Variants in COL5A2 observed in about 807,000 individuals in gnomAD.
COL5A2 encodes the protein collagen alpha-2(V) chain.
In COL5A2, 23 loss-of-function variants were observed where a neutral mutation model predicts 208.2. That is an observed-to-expected ratio of 0.11 (90% CI 0.08 to 0.16). The LOEUF (loss-of-function observed/expected upper bound fraction) is 0.16, where lower values mean the gene tolerates loss of function less well. COL5A2 is among the 10% of genes least tolerant of loss of function. The pLI is 1.00. For synonymous variants in COL5A2, 625 were observed against 628.5 expected (o/e 0.99, Z 0.08); for missense variants, 1,590 against 1,956.4 (o/e 0.81, Z 3.53).
At chr2:189,391,090 T>C in the COL5A2 span, among the ~76,000 whole-genome samples, 1 of 152,194 alleles carries the variant, frequency 6.6e-6, no homozygotes, top group Non-Finnish European at 1.5e-5. Context: ...GATTTTTAAT[T>C]TTGAAAGATT....
At chr2:189,107,036 T>G (rs1230327294) in intron 2 of COL5A2, among the ~76,000 whole-genome samples, 1 of 151,518 alleles carries the variant, frequency 6.6e-6, no homozygotes, top group African/African-American at 2.4e-5. Flanking sequence ...TTTGTGTGTG[T>G]CATTGTTATT....
chr2:189,253,320 T>C, the COL5A2 span, among the ~76,000 whole-genome samples: 1 of 152,222 alleles, frequency 6.6e-6, no homozygotes, highest in African/African-American at 2.4e-5. Flanking sequence ...TTATGACTTT[T>C]GTCAAGTTAC....
intron 51 of COL5A2, among the ~76,000 whole-genome samples, 187 bp from the exon 52 acceptor site, chr2:189,036,990 T>C (rs916639150): frequency 5.9e-5 from 9 of 152,190 alleles, no homozygotes; most frequent in African/African-American, 1.9e-4. Flanking sequence ...TAGTCGCTAT[T>C]GTAAGGCACT....
the COL5A2 span, among the ~76,000 whole-genome samples, chr2:189,287,656 A>T: frequency 6.6e-6 from 1 of 152,216 alleles, no homozygotes. Flanking sequence ...TGCAGTGACT[A>T]CTTACTAACA....
chr2:189,325,621 CTTAT>C, the COL5A2 span, among the ~76,000 whole-genome samples: 1 of 152,042 alleles, frequency 6.6e-6, no homozygotes. Context: ...GTCATTTACT[CTTAT>C]TTGTTTGTAT....
the COL5A2 span, among the ~76,000 whole-genome samples, chr2:189,278,272 G>A: frequency 4.4e-3 from 668 of 152,118 alleles, 2 homozygotes; most frequent in African/African-American, 0.016. Context: ...ATTAAAACTT[G>A]CTTAATTTCT....
the COL5A2 span, among the ~76,000 whole-genome samples, chr2:189,383,004 C>G: frequency 5.3e-4 from 80 of 152,228 alleles, no homozygotes; most frequent in Non-Finnish European, 9.4e-4. Context: ...GGAATGTCAC[C>G]ATGGCTTGAC....
chr2:189,241,199 C>T, the COL5A2 span, among the ~76,000 whole-genome samples: 2 of 152,242 alleles, frequency 1.3e-5, no homozygotes, highest in Non-Finnish European at 2.9e-5. Context: ...GACCATCTTC[C>T]CTTTTTTCCC....
At chr2:189,078,267 G>A (rs758710965) in intron 16 of COL5A2, among the ~76,000 whole-genome samples, 1 of 151,688 alleles carries the variant, frequency 6.6e-6, no homozygotes, top group Non-Finnish European at 1.5e-5. Flanking sequence ...CTTAATTTTT[G>A]TATTAAAGTA....
the COL5A2 span, among the ~76,000 whole-genome samples, chr2:189,254,282 T>A: frequency 3.7e-5 from 4 of 109,426 alleles, no homozygotes; most frequent in African/African-American, 1.1e-4. Flanking sequence ...AGATGATAGC[T>A]GTTTATCCTG....
the COL5A2 span, among the ~76,000 whole-genome samples, chr2:189,259,415 T>C: frequency 1.3e-5 from 2 of 152,176 alleles, no homozygotes; most frequent in Non-Finnish European, 2.9e-5. Flanking sequence ...ATAACATCAA[T>C]TTTCCAAGAC....
At chr2:189,125,926 T>C (rs922308732) in intron 1 of COL5A2, among the ~76,000 whole-genome samples, 1 of 152,088 alleles carries the variant, frequency 6.6e-6, no homozygotes, top group African/African-American at 2.4e-5. Flanking sequence ...ATCCAGGCTT[T>C]GGATTCCTTT....
the COL5A2 span, among the ~76,000 whole-genome samples, chr2:189,341,385 G>C: frequency 6.6e-6 from 1 of 152,004 alleles, no homozygotes; most frequent in African/African-American, 2.4e-5. Context: ...TTCTAGTGAC[G>C]CAATTGTGAC....
intron 1 of COL5A2, among the ~76,000 whole-genome samples, chr2:189,172,968 CTTT>C (rs11286911): frequency 4.1e-5 from 4 of 96,524 alleles, no homozygotes; most frequent in Non-Finnish European, 6.2e-5. Flanking sequence ...TTTTCCTCTT[CTTT>C]TTTTTTTTTT....
At chr2:189,038,974 A>C (rs1164133429) in intron 51 of COL5A2, among the ~76,000 whole-genome samples, 5 of 152,106 alleles carry the variant, frequency 3.3e-5, no homozygotes, top group South Asian at 2.1e-4. Context: ...CAGGCGTGAG[A>C]CACCGCACCT....
chr2:189,328,052 C>T, the COL5A2 span, among the ~76,000 whole-genome samples: 1 of 152,158 alleles, frequency 6.6e-6, no homozygotes, highest in African/African-American at 2.4e-5. Context: ...TATGAAGAGC[C>T]AACTTCATTC....
the COL5A2 span, among the ~76,000 whole-genome samples, chr2:189,275,746 C>T: frequency 2.0e-5 from 3 of 152,060 alleles, no homozygotes; most frequent in Non-Finnish European, 2.9e-5. Flanking sequence ...CCACTGCACC[C>T]GTCCTAATTA....
At chr2:189,281,577 C>T in the COL5A2 span, among the ~76,000 whole-genome samples, 1 of 152,128 alleles carries the variant, frequency 6.6e-6, no homozygotes, top group Admixed American at 6.5e-5. Context: ...ATTCATGAGG[C>T]AAAGAAATAT....
chr2:189,130,000 A>G (rs888393892), intron 1 of COL5A2, among the ~76,000 whole-genome samples: 3 of 152,082 alleles, frequency 2.0e-5, no homozygotes, highest in Non-Finnish European at 4.4e-5. Context: ...TTTTGGCCAT[A>G]GAACTAAAAT....
Sources: gnomAD v4.1 joint callset for allele counts (sites outside exome capture counted in the v4.1 genomes callset) on GRCh38, gnomAD v4.1.1 for gene constraint, MANE v1.5 for transcripts, NCBI Gene and HGNC (gene_info 2026-07-23, HGNC 2026-07-21) for gene names.